The following SAMMSON variants were observed in gnomAD, a reference collection of about 807,000 sequenced individuals.
SAMMSON encodes the protein survival associated mitochondrial melanoma specific oncogenic non-coding RNA.
chr3:70,076,249 GGCTTTTA>G (rs2067248230), intron 4 of SAMMSON, among the ~76,000 whole-genome samples: 5 of 152,022 alleles, frequency 3.3e-5, no homozygotes, highest in Non-Finnish European at 5.9e-5. Flanking sequence ...AAAGCTAATA[GGCTTTTA>G]CCTAGTTAGT....
At chr3:70,426,115 C>A (rs186202635) in intron 2 of SAMMSON, among the ~76,000 whole-genome samples, 97 of 152,278 alleles carry the variant, frequency 6.4e-4, no homozygotes, top group African/African-American at 2.1e-3. Context: ...ACTCAGTAAT[C>A]CAGTAATATT....
At chr3:70,355,048 T>C (rs181208643) in intron 8 of SAMMSON, among the ~76,000 whole-genome samples, 2 of 152,266 alleles carry the variant, frequency 1.3e-5, no homozygotes, top group Non-Finnish European at 2.9e-5. Context: ...TGAAATTTAA[T>C]AGTTGGAAAT....
At chr3:70,339,341 G>A (rs1300466952) in intron 7 of SAMMSON, among the ~76,000 whole-genome samples, 1 of 152,130 alleles carries the variant, frequency 6.6e-6, no homozygotes, top group Non-Finnish European at 1.5e-5. Context: ...ACATAGGCAT[G>A]GGCAAGGACT....
At chr3:70,163,771 G>T (rs962269810) in intron 4 of SAMMSON, among the ~76,000 whole-genome samples, 1 of 151,976 alleles carries the variant, frequency 6.6e-6, no homozygotes, top group African/African-American at 2.4e-5. Flanking sequence ...TAAAACAACG[G>T]CCTCTTAATT....
At chr3:70,169,246 A>G (rs947557164) in intron 4 of SAMMSON, among the ~76,000 whole-genome samples, 5 of 152,088 alleles carry the variant, frequency 3.3e-5, no homozygotes, top group Admixed American at 2.0e-4. Context: ...GATGGAAAAT[A>G]TCATTTGAAA....
intron 6 of SAMMSON, among the ~76,000 whole-genome samples, chr3:70,290,301 C>T (rs930301783): frequency 2.0e-5 from 3 of 151,992 alleles, no homozygotes; most frequent in African/African-American, 7.2e-5. Context: ...AGCTGCAGGT[C>T]TGTTGGAGTA....
At chr3:70,271,519 C>T (rs1342574616) in intron 6 of SAMMSON, among the ~76,000 whole-genome samples, 1 of 152,188 alleles carries the variant, frequency 6.6e-6, no homozygotes, top group Non-Finnish European at 1.5e-5. Flanking sequence ...AACTATTTAA[C>T]AAACATCACC....
At chr3:70,300,529 T>C (rs1008777299) in intron 7 of SAMMSON, among the ~76,000 whole-genome samples, 1 of 151,984 alleles carries the variant, frequency 6.6e-6, no homozygotes, top group African/African-American at 2.4e-5. Flanking sequence ...ATATTATATA[T>C]ATATTAGCCT....
At chr3:70,416,647 C>T (rs1701266719) in intron 2 of SAMMSON, among the ~76,000 whole-genome samples, 1 of 152,014 alleles carries the variant, frequency 6.6e-6, no homozygotes, top group East Asian at 1.9e-4. Context: ...AATTTCATGG[C>T]TGATTTAAAT....
chr3:70,144,989 T>C (rs2067542081), intron 4 of SAMMSON, among the ~76,000 whole-genome samples: 1 of 152,114 alleles, frequency 6.6e-6, no homozygotes, highest in Non-Finnish European at 1.5e-5. Context: ...TTGCTCCCTG[T>C]TGCCCACCAA....
At chr3:70,124,887 C>T (rs2106669611) in intron 4 of SAMMSON, among the ~76,000 whole-genome samples, 1 of 147,034 alleles carries the variant, frequency 6.8e-6, no homozygotes, top group South Asian at 2.2e-4. Context: ...TGAGGAAGGT[C>T]ATTAAAATAC....
chr3:70,149,666 T>C (rs1183999071), intron 4 of SAMMSON, among the ~76,000 whole-genome samples: 1 of 152,098 alleles, frequency 6.6e-6, no homozygotes, highest in Non-Finnish European at 1.5e-5. Context: ...CAAGCGGGGC[T>C]CTGGACAAGC....
intron 7 of SAMMSON, among the ~76,000 whole-genome samples, chr3:70,295,233 A>G (rs1702278022): frequency 6.6e-6 from 1 of 152,148 alleles, no homozygotes; most frequent in African/African-American, 2.4e-5. Context: ...AGAATGGAGG[A>G]TGGGGAAGCA....
chr3:70,285,216 C>A (rs1467281068), intron 6 of SAMMSON, among the ~76,000 whole-genome samples: 1 of 117,660 alleles, frequency 8.5e-6, no homozygotes, highest in African/African-American at 3.2e-5. Flanking sequence ...CCTCCCCCCA[C>A]CCCACAACAG....
At chr3:70,227,145 A>G (rs1261072690) in intron 4 of SAMMSON, among the ~76,000 whole-genome samples, 2 of 152,212 alleles carry the variant, frequency 1.3e-5, no homozygotes, top group East Asian at 3.9e-4. Context: ...TACAGGTTAA[A>G]GCAGGACTAC....
intron 7 of SAMMSON, among the ~76,000 whole-genome samples, chr3:70,300,479 A>T (rs1702336709): frequency 6.6e-6 from 1 of 152,030 alleles, no homozygotes; most frequent in Non-Finnish European, 1.5e-5. Context: ...AGAGTTAGAT[A>T]TGTGTATTTT....
chr3:70,080,354 A>G (rs2067263553), intron 4 of SAMMSON, among the ~76,000 whole-genome samples: 3 of 152,206 alleles, frequency 2.0e-5, no homozygotes, highest in Admixed American at 1.3e-4. Flanking sequence ...TTCGTCAGCA[A>G]CCCAACCTAA....
chr3:70,266,980 G>A (rs1336572225), intron 6 of SAMMSON, among the ~76,000 whole-genome samples: 1 of 152,128 alleles, frequency 6.6e-6, no homozygotes, highest in South Asian at 2.1e-4. Flanking sequence ...AACATGCTTG[G>A]ATGGAGACTG....
At chr3:70,003,715 A>G (rs976874074) in intron 1 of SAMMSON, among the ~76,000 whole-genome samples, 2 of 98,840 alleles carry the variant, frequency 2.0e-5, no homozygotes, top group African/African-American at 6.1e-5. Flanking sequence ...CATATTTACC[A>G]TATTTTTTTT....
Sources: gnomAD v4.1 joint callset for allele counts (sites outside exome capture counted in the v4.1 genomes callset) on GRCh38, gnomAD v4.1.1 for gene constraint, MANE v1.5 for transcripts, NCBI Gene and HGNC (gene_info 2026-07-23, HGNC 2026-07-21) for gene names.